Variants in TPST2 observed in about 807,000 individuals in gnomAD.
TPST2 encodes protein-tyrosine sulfotransferase 2.
In TPST2, 16 loss-of-function variants were observed where a neutral mutation model predicts 27.8. The observed-to-expected ratio is 0.58, with a 90% CI of 0.39 to 0.88. The LOEUF (loss-of-function observed/expected upper bound fraction) is 0.88, where lower values mean the gene tolerates loss of function less well. Among genes scored for constraint, TPST2 ranks in the 40% least tolerant of loss-of-function variants. The probability of loss-of-function intolerance (pLI) is 0.00; values close to 1 mark genes in which losing one functional copy is unlikely to be tolerated. For missense variants in TPST2, 464 were observed against 543.1 expected, an observed-to-expected ratio of 0.85 and a Z score of 1.45; for synonymous variants, 229 against 231.7, an observed-to-expected ratio of 0.99 and a Z score of 0.10.
At chr22:26,552,147 G>C (rs1399333660) in intron 1 of TPST2, among the ~76,000 whole-genome samples, 1 of 152,002 alleles carries the variant, frequency 6.6e-6, no homozygotes, top group East Asian at 1.9e-4. Context: ...CAAAGTGCTG[G>C]GATTGCAGGC....
intron 1 of TPST2, among the ~76,000 whole-genome samples, chr22:26,554,559 T>A (rs953533478): frequency 6.6e-6 from 1 of 152,116 alleles, no homozygotes. Context: ...CAGCCCTGGG[T>A]TGGGGGTCAG....
At chr22:26,583,017 T>C (rs192147780) in intron 1 of TPST2, among the ~76,000 whole-genome samples, 39 of 145,472 alleles carry the variant, frequency 2.7e-4, no homozygotes, top group African/African-American at 9.8e-4. Context: ...GAGGCTGAGG[T>C]GGGAGGATCG....
In TPST2 at chr22:26,541,218, T is replaced by C. The variant is rs778896187; in HGVS notation, c.413A>G (p.Gln138Arg). Residue 138 changes from glutamine to arginine, a missense_variant, in exon 3 of 7, where the codon CAG (glutamine) becomes CGG (arginine). Physicochemically the swap from Gln to Arg is conservative, Grantham distance 43. Transcript: ENST00000338754. This position sits in a 1 kb window ranked among gnomAD's most constrained non-coding sequence, Gnocchi z 5.9. ...GGCAATCACCTCCAGGATGAAGGCC[T>C]GCATGGCGGCGTCCAGCACCTCATC... Reference protein sequence around the residue: ...VTDEVLDAAMQAFILEVIAKH... With the variant: ...VTDEVLDAAMRAFILEVIAKH... 6.4e-7 allele frequency: 1 copy of C among 1,566,192 alleles called. No homozygotes were observed. The highest frequency in any genetic ancestry group is 8.7e-7 in the Non-Finnish European group (1 of 1,153,566).
At chr22:26,567,857 T>C (rs529453860) in intron 1 of TPST2, among the ~76,000 whole-genome samples, 1 of 152,308 alleles carries the variant, frequency 6.6e-6, no homozygotes, top group African/African-American at 2.4e-5. Flanking sequence ...AAATTTAAAG[T>C]ACATTGTGGG....
chr22:26,567,117 G>A (rs969256947), intron 1 of TPST2, among the ~76,000 whole-genome samples: 1 of 152,178 alleles, frequency 6.6e-6, no homozygotes, highest in African/African-American at 2.4e-5. Context: ...GAGGGGGTGA[G>A]ACTAAGCCGA....
At chr22:26,557,619 G>A (rs936305572) in intron 1 of TPST2, among the ~76,000 whole-genome samples, 5 of 151,796 alleles carry the variant, frequency 3.3e-5, no homozygotes, top group Non-Finnish European at 5.9e-5. Flanking sequence ...TCCTGGGGAC[G>A]GTGGGAAATT....
At chr22:26,546,045 A>G (rs928360088) in intron 1 of TPST2, among the ~76,000 whole-genome samples, 1 of 151,248 alleles carries the variant, frequency 6.6e-6, no homozygotes, top group East Asian at 1.9e-4. Context: ...TCACTGCACT[A>G]CAGTCTGGGC....
chr22:26,584,374 G>A (rs528482091), intron 1 of TPST2, among the ~76,000 whole-genome samples: 55 of 152,328 alleles, frequency 3.6e-4, no homozygotes, highest in African/African-American at 1.3e-3. Flanking sequence ...GGGAAGGAGT[G>A]TGGACAGAGG....
intron 6 of TPST2, among the ~76,000 whole-genome samples, chr22:26,526,896 G>A (rs1602245246): frequency 2.0e-5 from 3 of 152,264 alleles, no homozygotes; most frequent in Middle Eastern, 6.8e-3. Flanking sequence ...TGGCCAACAT[G>A]GTGAAACCCC....
intron 1 of TPST2, among the ~76,000 whole-genome samples, chr22:26,583,555 CAAA>C (rs112444411): frequency 7.2e-6 from 1 of 138,022 alleles, no homozygotes; most frequent in Non-Finnish European, 1.6e-5. Flanking sequence ...TGGAGCGTGT[CAAA>C]AAAAAAAAAA....
At chr22:26,576,710 C>G (rs1927850602) in intron 1 of TPST2, among the ~76,000 whole-genome samples, 1 of 151,908 alleles carries the variant, frequency 6.6e-6, no homozygotes, top group Non-Finnish European at 1.5e-5. Flanking sequence ...TAGCTCATGC[C>G]TATAATCCCA....
At chr22:26,544,272 C>T (rs534291079) in intron 2 of TPST2, among the ~76,000 whole-genome samples, 10 of 152,324 alleles carry the variant, frequency 6.6e-5, no homozygotes, top group African/African-American at 1.7e-4. Context: ...GAGAACGGGA[C>T]ACAACAGCGT....
intron 1 of TPST2, among the ~76,000 whole-genome samples, chr22:26,551,457 A>G (rs1309092785): frequency 6.6e-6 from 1 of 152,132 alleles, no homozygotes; most frequent in East Asian, 1.9e-4. Context: ...AGAGACGTAA[A>G]GGAACCTGCC....
chr22:26,532,841 C>T (rs1271737913), intron 4 of TPST2, 96 bp from the exon 5 acceptor site: 7 of 1,077,158 alleles, frequency 6.5e-6, no homozygotes, highest in African/African-American at 1.6e-5. Context: ...CCATCCACCT[C>T]GCCACCCACC....
intron 5 of TPST2, among the ~76,000 whole-genome samples, chr22:26,528,752 GA>G (rs557787627): frequency 1.7e-4 from 26 of 152,304 alleles, no homozygotes; most frequent in Middle Eastern, 6.8e-3. Context: ...GGAGGCCGAG[GA>G]GGGTGGATCA....
intron 4 of TPST2, among the ~76,000 whole-genome samples, chr22:26,534,963 T>A (rs1310556433): frequency 6.6e-6 from 1 of 152,176 alleles, no homozygotes; most frequent in East Asian, 1.9e-4. Flanking sequence ...TCTGAGTATT[T>A]CCATAAATAG....
intron 1 of TPST2, among the ~76,000 whole-genome samples, chr22:26,558,731 G>A (rs1444488464): frequency 1.3e-5 from 2 of 152,192 alleles, no homozygotes; most frequent in East Asian, 1.9e-4. Flanking sequence ...GCAGGAACAG[G>A]GTGAGGCAAG....
At chr22:26,528,819 C>A (rs914809193) in intron 5 of TPST2, among the ~76,000 whole-genome samples, 41 of 151,964 alleles carry the variant, frequency 2.7e-4, no homozygotes, top group African/African-American at 9.9e-4. Context: ...TCTGTCTCTA[C>A]TAAAATACAA....
At chr22:26,526,918 A>T (rs1000066025) in intron 6 of TPST2, among the ~76,000 whole-genome samples, 17 of 152,170 alleles carry the variant, frequency 1.1e-4, no homozygotes, top group Non-Finnish European at 7.4e-5. Flanking sequence ...TCTCTACTAA[A>T]AATACAAAAA....
Sources: allele counts gnomAD v4.1 joint callset (sites outside exome capture counted in the v4.1 genomes callset), GRCh38; gene constraint gnomAD v4.1.1; non-coding constraint Gnocchi (gnomAD v3.1); transcripts MANE v1.5; gene names NCBI Gene and HGNC (gene_info 2026-07-23, HGNC 2026-07-21).